Variants in SPOP observed in about 807,000 individuals in gnomAD.
The protein encoded by SPOP is speckle type BTB/POZ protein, also known as speckle-type POZ protein.
Under a neutral mutation model 45.6 loss-of-function variants are expected in SPOP, and 11 were observed. The ratio of observed to expected loss-of-function variants is 0.24; its 90% CI spans 0.15 to 0.40. The LOEUF (loss-of-function observed/expected upper bound fraction) is 0.40. Ranked by LOEUF, SPOP falls within the 10% of genes least tolerant of loss-of-function variation. The pLI is 1.00. For missense variants in SPOP, 152 were observed against 465.6 expected (o/e 0.33, Z 6.20); for synonymous variants, 166 against 166.3 (o/e 1.00, Z 0.01).
intron 3 of SPOP, 45 bp downstream of exon 3, chr17:49,621,901 G>A (rs771430607): frequency 8.1e-6 from 13 of 1,603,444 alleles, no homozygotes; most frequent in African/African-American, 2.7e-5. Flanking sequence ...AAACAAAACA[G>A]ACAACTTCAG....
At chr17:49,647,378 T>C (rs1338606504) in intron 1 of SPOP, among the ~76,000 whole-genome samples, 1 of 150,976 alleles carries the variant, frequency 6.6e-6, no homozygotes, top group Non-Finnish European at 1.5e-5. Flanking sequence ...AGCACCATTA[T>C]TAATGGAGAC....
intron 1 of SPOP, among the ~76,000 whole-genome samples, chr17:49,673,316 T>C (rs1021843214): frequency 2.0e-5 from 3 of 152,006 alleles, no homozygotes; most frequent in Non-Finnish European, 2.9e-5. Context: ...CCATCCTGGC[T>C]AACATGGTGA....
At chr17:49,644,853 C>T (rs147846339) in intron 1 of SPOP, among the ~76,000 whole-genome samples, 1 of 152,160 alleles carries the variant, frequency 6.6e-6, no homozygotes, top group African/African-American at 2.4e-5. Flanking sequence ...ATCTATATTG[C>T]ACTGGAATGA....
chr17:49,608,047 T>C (rs2071888381), intron 6 of SPOP, 118 bp from the exon 7 acceptor site: 1 of 673,538 alleles, frequency 1.5e-6, no homozygotes, highest in Non-Finnish European at 2.4e-6. Context: ...GAAAGGTCTC[T>C]ACCTCAATTT....
At chr17:49,609,184 T>G (rs567975207) in intron 6 of SPOP, among the ~76,000 whole-genome samples, 39 of 152,184 alleles carry the variant, frequency 2.6e-4, no homozygotes, top group African/African-American at 9.4e-4. Flanking sequence ...GCTGGGATTA[T>G]AGGCATGAGC....
intron 1 of SPOP, among the ~76,000 whole-genome samples, chr17:49,629,296 G>A (rs1274692206): frequency 6.6e-6 from 1 of 151,816 alleles, no homozygotes. Context: ...TTGCATTCAA[G>A]TTCATTAAGT....
At chr17:49,612,322 C>T (rs1183223197) in intron 5 of SPOP, among the ~76,000 whole-genome samples, 1 of 152,122 alleles carries the variant, frequency 6.6e-6, no homozygotes, top group African/African-American at 2.4e-5. Flanking sequence ...CATTATTGAC[C>T]CACTGTCAGT....
intron 5 of SPOP, among the ~76,000 whole-genome samples, chr17:49,618,174 G>T (rs1305765449): frequency 6.6e-6 from 1 of 152,112 alleles, no homozygotes; most frequent in East Asian, 1.9e-4. Flanking sequence ...TGCTGCTCAG[G>T]AAGTGGTTCC....
chr17:49,669,964 T>C (rs1315842889), intron 1 of SPOP, among the ~76,000 whole-genome samples: 1 of 152,116 alleles, frequency 6.6e-6, no homozygotes, highest in Non-Finnish European at 1.5e-5. Flanking sequence ...ATGGGGAGAT[T>C]AGAGGCTTTC....
rs771163040 is a variant in SPOP, at chr17:49,600,368, A to G, written c.*10T>C. On this transcript the variant is annotated 3_prime_UTR_variant, in exon 10 of 10. Coordinates refer to ENST00000504102, the MANE Select transcript of SPOP (RefSeq NM_001007228.2). This position sits in a 1 kb window ranked among gnomAD's most constrained non-coding sequence, Gnocchi z 4.2. ...TGGAAATTAAACGGAGTCTTACAAC[A>G]AGCAGGATCTTAGGATTGCTTCAGG... The G allele has an allele frequency of 4.3e-6, 7 of 1,613,836 alleles. No individual in the cohort carries two copies. The South Asian group carries it at 7.7e-5, about 18-fold the overall frequency.
chr17:49,646,047 C>T (rs2072752927), intron 1 of SPOP: 1 of 152,172 alleles, frequency 6.6e-6, no homozygotes, highest in Middle Eastern at 3.2e-3. Context: ...ATTTTGCTGC[C>T]TTTCCTTTCT....
intron 1 of SPOP, among the ~76,000 whole-genome samples, chr17:49,675,333 GATAA>G (rs2073185445): frequency 6.6e-6 from 1 of 152,174 alleles, no homozygotes; most frequent in African/African-American, 2.4e-5. Flanking sequence ...TGATCACCAA[GATAA>G]ATAAAGTGAG....
At chr17:49,666,536 TA>T (rs1447391291) in intron 1 of SPOP, among the ~76,000 whole-genome samples, 34 of 150,930 alleles carry the variant, frequency 2.3e-4, no homozygotes, top group Non-Finnish European at 3.4e-4. Context: ...CATGAAAATC[TA>T]AAACTCAAGG....
chr17:49,600,686 C>T lies in SPOP; in HGVS notation c.981-164G>A. On this transcript the variant is annotated intron_variant, in intron 9 of 9. Transcript: ENST00000504102. This position sits in a 1 kb window ranked among gnomAD's most constrained non-coding sequence, Gnocchi z 4.2. Reference sequence around the variant, plus strand: ...AAGAATTTGCTTGTTAGACAATGAGCAGACTGGTGACTTGCCTGTGGCTGT... The same window carrying T: ...AAGAATTTGCTTGTTAGACAATGAGTAGACTGGTGACTTGCCTGTGGCTGT... The T allele has an allele frequency of 1.4e-6, 1 of 710,044 alleles. No individual in the cohort carries two copies. Among genetic ancestry groups the T allele is most frequent in the Non-Finnish European group, 2.3e-6 (1 of 436,782 alleles). The allele number at this position is 710,044 out of a possible 1,614,324, so 44.0% of individuals were successfully genotyped here.
intron 1 of SPOP, among the ~76,000 whole-genome samples, chr17:49,666,457 ACACACACACAC>A (rs1175421813): frequency 1.4e-5 from 1 of 71,420 alleles, no homozygotes; most frequent in Non-Finnish European, 3.0e-5. Context: ...AGACACACAC[ACACACACACAC>A]ACACACACAC....
At chr17:49,611,540 C>G in intron 5 of SPOP, 83 bp from the exon 6 acceptor site, 1 of 1,237,064 alleles carries the variant, frequency 8.1e-7, no homozygotes, top group East Asian at 2.3e-5. Context: ...TACCTAACTG[C>G]TGTAGTACAT....
intron 1 of SPOP, among the ~76,000 whole-genome samples, chr17:49,666,948 G>A (rs951688354): frequency 2.6e-4 from 40 of 152,330 alleles, no homozygotes; most frequent in African/African-American, 9.1e-4. Flanking sequence ...GGAGGCCAAG[G>A]TGGGTGGATC....
At chr17:49,672,954 A>G (rs974291575) in intron 1 of SPOP, among the ~76,000 whole-genome samples, 1 of 152,132 alleles carries the variant, frequency 6.6e-6, no homozygotes, top group African/African-American at 2.4e-5. Flanking sequence ...CTCGAAAAAA[A>G]AACAAAAAAC....
intron 1 of SPOP, among the ~76,000 whole-genome samples, chr17:49,645,599 A>G (rs2072742400): frequency 6.6e-6 from 1 of 152,022 alleles, no homozygotes; most frequent in African/African-American, 2.4e-5. Flanking sequence ...CCAGCCAGAA[A>G]GCACATCTTA....
Sources: allele counts gnomAD v4.1 joint callset (sites outside exome capture counted in the v4.1 genomes callset), GRCh38; gene constraint gnomAD v4.1.1; non-coding constraint Gnocchi (gnomAD v3.1); transcripts MANE v1.5; gene names NCBI Gene and HGNC (gene_info 2026-07-23, HGNC 2026-07-21).